The following SMAGP variants were observed in gnomAD, a reference collection of about 807,000 sequenced individuals.
The protein encoded by SMAGP is small cell transmembrane and glycosylated protein.
In SMAGP, 7 loss-of-function variants were observed where a neutral mutation model predicts 10.1. The ratio of observed to expected loss-of-function variants is 0.70; its 90% CI spans 0.40 to 1.31. SMAGP has a LOEUF of 1.31. Ranked by LOEUF, SMAGP falls within the 50% of genes most tolerant of loss-of-function variation. The pLI is 0.01. For missense variants in SMAGP, 113 were observed against 116.5 expected (o/e 0.97, Z 0.14); for synonymous variants, 49 against 47.2 (o/e 1.04, Z -0.16).
rs1303946547 is a variant in SMAGP at position 51,270,289 on chromosome 12, G to C, written c.-72C>G. The C allele has an allele frequency of 6.4e-6, 1 of 156,544 alleles. No individual in the cohort carries two copies. Among genetic ancestry groups the C allele is most frequent in the Non-Finnish European group, 1.4e-5 (1 of 70,918 alleles). The allele number at this position is 156,544 out of a possible 1,614,324, so 9.7% of individuals were successfully genotyped here. Reference sequence around the variant, plus strand: ...TCGGACGGGCTGCTGGTGAAGGGCCGGCGCCGCTCCGCGCGTCCTTTTGAA... The same window carrying C: ...TCGGACGGGCTGCTGGTGAAGGGCCCGCGCCGCTCCGCGCGTCCTTTTGAA... On this transcript the variant is annotated 5_prime_UTR_variant, in exon 1 of 4. Transcript: ENST00000603798.
intron 2 of SMAGP, among the ~76,000 whole-genome samples, chr12:51,255,082 C>A (rs1426239910): frequency 6.6e-6 from 1 of 152,166 alleles, no homozygotes; most frequent in Non-Finnish European, 1.5e-5. Flanking sequence ...GTCCTCCAGG[C>A]TGGAGTGCCA....
At chr12:51,259,879 A>C (rs1944916833) in intron 2 of SMAGP, among the ~76,000 whole-genome samples, 1 of 151,852 alleles carries the variant, frequency 6.6e-6, no homozygotes, top group Non-Finnish European at 1.5e-5. Flanking sequence ...ATGCCTGGCT[A>C]ATTTTTAAAG....
At position 51,245,846 on chromosome 12, in the gene SMAGP, TGCTTCTCCCTG is replaced by T. The variant is rs1379107984; in HGVS notation, c.*84_*94del. The T allele has an allele frequency of 7.1e-7, 1 of 1,412,978 alleles. No homozygotes were observed. The highest frequency in any genetic ancestry group is 9.6e-7 in the Non-Finnish European group (1 of 1,045,092). 87.5% of individuals were successfully genotyped at this position (1,412,978 alleles called of 1,614,324 possible). A position where few individuals can be genotyped will look rare whatever the true frequency, so the allele number is the denominator to read the frequency against. ...GCTTGGATTTGCCCACATCAATCAA[TGCTTCTCCCTG>T]GCTTCAGAGAAAACTTTCCCATAAT... On this transcript the variant is annotated 3_prime_UTR_variant, in exon 4 of 4. Transcript: ENST00000603798.
intron 2 of SMAGP, among the ~76,000 whole-genome samples, chr12:51,268,162 G>A (rs1160524278): frequency 1.3e-5 from 2 of 152,082 alleles, no homozygotes. Context: ...TTGATGCTGG[G>A]TCTGTATCAC....
rs149748827 is a variant in SMAGP, at chr12:51,264,336, C to T, written c.34+4909G>A. Among the ~76,000 whole-genome samples, 206 of 152,344 alleles carry T rather than the reference C, an allele frequency of 1.4e-3. 1 individual carries two copies. The highest frequency in any genetic ancestry group is 2.3e-3 in the Non-Finnish European group (154 of 68,034). On this transcript the variant is annotated intron_variant, in intron 2 of 3. Transcript: ENST00000603798. ...ATCACTACTTCACTCATGTCACTCG[C>T]TGGATCAAGAATGCAGCCAGGTGAG...
intron 2 of SMAGP, among the ~76,000 whole-genome samples, chr12:51,258,142 A>G (rs945488764): frequency 6.6e-6 from 1 of 151,858 alleles, no homozygotes; most frequent in East Asian, 2.0e-4. Context: ...ACTCCAGCCT[A>G]GGTAACAGAC....
chr12:51,250,546 T>A (rs1592232433), intron 2 of SMAGP, among the ~76,000 whole-genome samples: 1 of 151,296 alleles, frequency 6.6e-6, no homozygotes, highest in Non-Finnish European at 1.5e-5. Context: ...GACAAGGATC[T>A]CACTATGTTG....
chr12:51,253,040 C>A (rs1357324440), intron 2 of SMAGP, among the ~76,000 whole-genome samples: 1 of 152,030 alleles, frequency 6.6e-6, no homozygotes, highest in East Asian at 1.9e-4. Flanking sequence ...CCTGAAGGGG[C>A]CATGGAAGGA....
At chr12:51,254,889 A>T (rs1286124431) in intron 2 of SMAGP, among the ~76,000 whole-genome samples, 1 of 152,180 alleles carries the variant, frequency 6.6e-6, no homozygotes, top group Admixed American at 6.5e-5. Context: ...CCTGAGTGGG[A>T]GTAACGGGGA....
chr12:51,250,511 G>GTTTTTTTTTTTT (rs111568799), intron 2 of SMAGP, among the ~76,000 whole-genome samples: 1 of 145,212 alleles, frequency 6.9e-6, no homozygotes, highest in Non-Finnish European at 1.5e-5. Context: ...TTTTTTTTTT[G>GTTTTTTTTTTTT]TTTTTTTTTT....
intron 2 of SMAGP, among the ~76,000 whole-genome samples, chr12:51,249,823 G>C (rs1944819070): frequency 6.6e-6 from 1 of 151,652 alleles, no homozygotes; most frequent in South Asian, 2.1e-4. Context: ...CACCATGTTG[G>C]CCAGGCTGGT....
At chr12:51,256,161 C>T (rs180709570) in intron 2 of SMAGP, among the ~76,000 whole-genome samples, 17 of 152,164 alleles carry the variant, frequency 1.1e-4, no homozygotes, top group Non-Finnish European at 4.4e-5. Flanking sequence ...GAAGCAAAGA[C>T]GGACAGGATT....
intron 2 of SMAGP, 42 bp from the exon 3 acceptor site, chr12:51,246,873 CTTTT>C: frequency 6.8e-7 from 1 of 1,460,944 alleles, no homozygotes. Context: ...GGAGTGAATT[CTTTT>C]GTTTGAAAGC....
At chr12:51,266,089 A>G (rs894038050) in intron 2 of SMAGP, among the ~76,000 whole-genome samples, 6 of 152,286 alleles carry the variant, frequency 3.9e-5, no homozygotes, top group Non-Finnish European at 5.9e-5. Flanking sequence ...CTCAAAAAAA[A>G]AAAACAACAG....
chr12:51,264,143 G>T lies in SMAGP; in HGVS notation c.34+5102C>A, dbSNP rs199819987. 2.4e-4 allele frequency among the ~76,000 whole-genome samples: 36 copies of T among 152,262 alleles called. No homozygotes were observed. In the East Asian group the frequency reaches 6.4e-3, roughly 27 times the overall value. On this transcript the variant is annotated intron_variant, in intron 2 of 3. Coordinates refer to ENST00000603798, the MANE Select transcript of SMAGP (RefSeq NM_001031628.2). ...ACTGTGAGGGAGGAATAGGTGGGAA[G>T]GTGGGGGAAGAGAAATGCAAGACAG... is the stretch of plus-strand genomic sequence containing the variant.
intron 2 of SMAGP, among the ~76,000 whole-genome samples, chr12:51,248,434 A>ACACACACACTCTCACTCTCT (rs1188710796): frequency 2.6e-5 from 2 of 77,468 alleles, no homozygotes; most frequent in African/African-American, 1.0e-4. Flanking sequence ...ACACACACAC[A>ACACACACACTCTCACTCTCT]CTCTCTCTCT....
At chr12:51,250,217 A>C (rs1167477650) in intron 2 of SMAGP, among the ~76,000 whole-genome samples, 1 of 151,516 alleles carries the variant, frequency 6.6e-6, no homozygotes, top group Admixed American at 6.6e-5. Context: ...AAAAAAAAAA[A>C]AAAAAAATGT....
intron 2 of SMAGP, among the ~76,000 whole-genome samples, chr12:51,263,540 G>GA (rs1944947317): frequency 6.6e-6 from 1 of 152,134 alleles, no homozygotes; most frequent in Admixed American, 6.6e-5. Context: ...ATCACCTGAG[G>GA]CCAGGAGTTT....
At chr12:51,249,177 C>G (rs112517538) in intron 2 of SMAGP, among the ~76,000 whole-genome samples, 1 of 151,928 alleles carries the variant, frequency 6.6e-6, no homozygotes, top group East Asian at 1.9e-4. Flanking sequence ...GCTCCGCCCC[C>G]CTCCCCACAC....
Sources: allele counts gnomAD v4.1 joint callset (sites outside exome capture counted in the v4.1 genomes callset), GRCh38; gene constraint gnomAD v4.1.1; transcripts MANE v1.5; gene names NCBI Gene and HGNC (gene_info 2026-07-23, HGNC 2026-07-21).